Variants in PTCHD1 observed in about 807,000 individuals in gnomAD.
PTCHD1 encodes the protein patched domain containing 1, also known as patched domain-containing protein 1.
PTCHD1 carries 3 observed loss-of-function variants against 34.6 expected under a neutral mutation model. That is an observed-to-expected ratio of 0.09 (90% CI 0.04 to 0.22). PTCHD1 has a LOEUF of 0.22. PTCHD1 is among the 10% of genes least tolerant of loss of function. The probability of loss-of-function intolerance (pLI) is 1.00; values close to 1 mark genes in which losing one functional copy is unlikely to be tolerated. For synonymous variants in PTCHD1, 305 were observed against 283.1 expected, an observed-to-expected ratio of 1.08 and a Z score of -0.77; for missense variants, 504 against 685.5, an observed-to-expected ratio of 0.74 and a Z score of 2.96.
chrX:23,334,999 A>G lies in PTCHD1; in HGVS notation c.124A>G (p.Ser42Gly). ...PVLISILLGA[S>G]FSRYQVEESV... Reference sequence around the variant, plus strand: ...GCTCATCTCCATCCTGCTCGGCGCCAGCTTCAGCCGCTACCAGGTCGAGGA... The same window carrying G: ...GCTCATCTCCATCCTGCTCGGCGCCGGCTTCAGCCGCTACCAGGTCGAGGA... Residue 42 changes from serine (S) to glycine (G), a missense_variant, in exon 1 of 3, where the codon AGC becomes GGC. By Grantham distance (56) the Ser-to-Gly change is moderately conservative. Transcript: ENST00000379361. The G allele has an allele frequency of 3.3e-6, 4 of 1,210,478 alleles. No individual in the cohort carries two copies. Among genetic ancestry groups the G allele is most frequent in the Non-Finnish European group, 2.2e-6 (2 of 894,932 alleles).
intron 1 of PTCHD1, among the ~76,000 whole-genome samples, chrX:23,378,033 T>A (rs901462746): frequency 8.9e-6 from 1 of 111,902 alleles, no homozygotes; most frequent in African/African-American, 3.3e-5. Flanking sequence ...TCTATACTCT[T>A]GAGAGAGTCC....
chrX:23,392,070 C>CTTCCTTTTTTTTTTTTTT (rs1922848553), intron 2 of PTCHD1, among the ~76,000 whole-genome samples: 9 of 39,479 alleles, frequency 2.3e-4, no homozygotes, highest in African/African-American at 1.6e-3. Context: ...TTCTTTCTTT[C>CTTCCTTTTTTTTTTTTTT]TTTCTTTTTT....
At chrX:23,378,052 C>G (rs1313705830) in intron 1 of PTCHD1, among the ~76,000 whole-genome samples, 7 of 111,925 alleles carry the variant, frequency 6.3e-5, no homozygotes, top group Non-Finnish European at 1.3e-4. Context: ...CCACTCAGTG[C>G]TAAGCACAGT....
intron 2 of PTCHD1, among the ~76,000 whole-genome samples, chrX:23,380,555 C>G (rs1187738361): frequency 9.0e-6 from 1 of 111,327 alleles, no homozygotes; most frequent in Non-Finnish European, 1.9e-5. Flanking sequence ...TCCCCATAAG[C>G]AGGGCCCTGA....
At chrX:23,360,448 A>G (rs1235340841) in intron 1 of PTCHD1, among the ~76,000 whole-genome samples, 1 of 112,051 alleles carries the variant, frequency 8.9e-6, no homozygotes, top group Non-Finnish European at 1.9e-5. Context: ...AGATGTTTAT[A>G]GTATTCTCTG....
chrX:23,391,843 T>C (rs896419363), intron 2 of PTCHD1, among the ~76,000 whole-genome samples: 1 of 110,816 alleles, frequency 9.0e-6, no homozygotes, highest in East Asian at 2.8e-4. Flanking sequence ...AAGAGACATA[T>C]GCACAAGTCT....
intron 1 of PTCHD1, among the ~76,000 whole-genome samples, chrX:23,355,400 T>C (rs892023371): frequency 2.2e-4 from 25 of 112,935 alleles, no homozygotes; most frequent in Non-Finnish European, 4.1e-4. Flanking sequence ...CTCAAAATGG[T>C]CTGCTCTTTG....
chrX:23,362,118 A>G (rs1365138850), intron 1 of PTCHD1, among the ~76,000 whole-genome samples: 2 of 111,674 alleles, frequency 1.8e-5, no homozygotes, highest in Non-Finnish European at 3.8e-5. Context: ...GAATCTGACA[A>G]TTATGTGTCT....
chrX:23,353,990 G>C (rs376282157), intron 1 of PTCHD1, among the ~76,000 whole-genome samples: 4 of 111,258 alleles, frequency 3.6e-5, no homozygotes, highest in African/African-American at 1.3e-4. Flanking sequence ...TAGTCTTCTG[G>C]GACGCTTTTT....
At chrX:23,352,171 A>G (rs1430544976) in intron 1 of PTCHD1, among the ~76,000 whole-genome samples, 5 of 111,896 alleles carry the variant, frequency 4.5e-5, no homozygotes, top group African/African-American at 1.6e-4. Context: ...AGGTATTTAT[A>G]TGGTGGCAGC....
chrX:23,368,633 A>G (rs752761695), intron 1 of PTCHD1, among the ~76,000 whole-genome samples: 3 of 112,151 alleles, frequency 2.7e-5, no homozygotes, highest in South Asian at 7.5e-4. Flanking sequence ...CCCAAGTCCT[A>G]TAAGACCCCC....
rs1328950291 is a variant in PTCHD1, at chrX:23,392,740, A to G, written c.1222A>G (p.Ile408Val). The G allele has an allele frequency of 5.0e-6, 6 of 1,211,571 alleles. No individual in the cohort carries two copies. Among genetic ancestry groups the G allele is most frequent in the Non-Finnish European group, 6.7e-6 (6 of 895,131 alleles). Residue 408 changes from isoleucine (I) to valine (V), a missense_variant, in exon 3 of 3, where the codon ATT becomes GTT. Ile to Val is a conservative substitution (Grantham distance 29, BLOSUM62 3). Coordinates refer to ENST00000379361, the MANE Select transcript of PTCHD1 (RefSeq NM_173495.3). The stretch of plus-strand genomic sequence containing the variant: ...CAGGATTTTCTGCTGCAATTCCTGT[A>G]TTGCAATCTTCTTCAACTACCTCTA... ...AARIFCCNSC[I>V]AIFFNYLYVL...
intron 1 of PTCHD1, among the ~76,000 whole-genome samples, chrX:23,336,558 A>G (rs777990659): frequency 8.9e-6 from 1 of 112,124 alleles, no homozygotes. Flanking sequence ...GTTTGTTGAC[A>G]TGTTATCAAT....
At chrX:23,345,411 T>C (rs1034610876) in intron 1 of PTCHD1, among the ~76,000 whole-genome samples, 6 of 112,489 alleles carry the variant, frequency 5.3e-5, no homozygotes, top group Admixed American at 1.9e-4. Flanking sequence ...TTGATGCTAC[T>C]GGTCTGCAGA....
intron 1 of PTCHD1, among the ~76,000 whole-genome samples, chrX:23,337,439 C>T: frequency 9.0e-6 from 1 of 111,366 alleles, no homozygotes; most frequent in South Asian, 3.8e-4. Flanking sequence ...CCAGCCCCTA[C>T]TTTTGGTAGA....
At chrX:23,341,231 T>C (rs1921300620) in intron 1 of PTCHD1, among the ~76,000 whole-genome samples, 1 of 111,217 alleles carries the variant, frequency 9.0e-6, no homozygotes, top group African/African-American at 3.3e-5. Flanking sequence ...CATATTAGAG[T>C]TAGGAAAGGA....
In PTCHD1 at chrX:23,366,039, C is replaced by G. The variant is rs765027663; in HGVS notation, c.352-13552C>G. Among the ~76,000 whole-genome samples, 548 of 112,444 alleles carry G rather than the reference C, an allele frequency of 4.9e-3. 4 individuals are homozygous for G. Among genetic ancestry groups the G allele is most frequent in the African/African-American group, 0.017 (531 of 30,970 alleles). On this transcript the variant is annotated intron_variant, in intron 1 of 2. Transcript: ENST00000379361. ...GGGAAATGCAGCCCAAATGTTTAAT[C>G]AGTACCATGGAGCTGAAAGTTGTCA...
chrX:23,382,404 T>TA (rs1357438631), intron 2 of PTCHD1, among the ~76,000 whole-genome samples: 1 of 112,770 alleles, frequency 8.9e-6, no homozygotes. Context: ...TCTTAAAACT[T>TA]ACTTTTTTGT....
At chrX:23,364,371 GACACACACACACACACACACACAC>G (rs200572986) in intron 1 of PTCHD1, among the ~76,000 whole-genome samples, 1 of 91,988 alleles carries the variant, frequency 1.1e-5, no homozygotes, top group East Asian at 3.5e-4. Flanking sequence ...GAAGAGTGTA[GACACACACACACACACACACACAC>G]ACACACACAC....
Sources: gnomAD v4.1 joint callset for allele counts (sites outside exome capture counted in the v4.1 genomes callset) on GRCh38, gnomAD v4.1.1 for gene constraint, MANE v1.5 for transcripts, NCBI Gene and HGNC (gene_info 2026-07-23, HGNC 2026-07-21) for gene names.